Variants in MSN observed in about 807,000 individuals in gnomAD.
MSN encodes the protein moesin.
MSN carries 2 observed loss-of-function variants against 48.0 expected under a neutral mutation model. The observed-to-expected ratio is 0.04, with a 90% CI of 0.02 to 0.13. MSN has a LOEUF of 0.13. Among genes scored for constraint, MSN ranks in the 10% least tolerant of loss-of-function variants. MSN has a pLI of 1.00. For synonymous variants in MSN, 146 were observed against 166.9 expected, an observed-to-expected ratio of 0.87 and a Z score of 0.97; for missense variants, 267 against 470.1, an observed-to-expected ratio of 0.57 and a Z score of 3.99.
intron 1 of MSN, among the ~76,000 whole-genome samples, chrX:65,605,408 C>T (rs1458396858): frequency 2.7e-5 from 3 of 112,298 alleles, no homozygotes; most frequent in African/African-American, 9.7e-5. Context: ...ATTTACTTCC[C>T]ACCAATCCAG....
chrX:65,669,614 A>G lies in MSN; in HGVS notation c.12+1761A>G, dbSNP rs370625607. On this transcript the variant is annotated intron_variant, in intron 1 of 12. Transcript: ENST00000360270. Reference sequence around the variant, plus strand: ...GGCCTGGAGTAATGAGGGTACCTAAATACTGAAGGCATTTTTATGCAGATT... The same window carrying G: ...GGCCTGGAGTAATGAGGGTACCTAAGTACTGAAGGCATTTTTATGCAGATT... Among the ~76,000 whole-genome samples, 6 of 111,528 alleles carry G rather than the reference A, an allele frequency of 5.4e-5. No homozygotes were observed. The South Asian group carries it at 2.3e-3, about 42-fold the overall frequency.
At chrX:65,614,603 T>A (rs1273694843) in intron 1 of MSN, among the ~76,000 whole-genome samples, 2 of 109,247 alleles carry the variant, frequency 1.8e-5, no homozygotes, top group African/African-American at 6.6e-5. Context: ...GTAAGTTGTA[T>A]TCCTAGGTAT....
chrX:65,631,152 A>G (rs2070554140), intron 1 of MSN, among the ~76,000 whole-genome samples: 1 of 107,967 alleles, frequency 9.3e-6, no homozygotes, highest in African/African-American at 3.4e-5. Context: ...CTGGAATGCA[A>G]TGGCGCCATG....
chrX:65,602,121 G>A (rs1337462738), intron 1 of MSN, among the ~76,000 whole-genome samples: 2 of 112,415 alleles, frequency 1.8e-5, no homozygotes, highest in East Asian at 5.6e-4. Flanking sequence ...GATCTAATCA[G>A]TTACCAAATC....
chrX:65,718,695 A>G (rs1483869338), intron 2 of MSN, among the ~76,000 whole-genome samples: 2 of 109,587 alleles, frequency 1.8e-5, no homozygotes, highest in African/African-American at 6.7e-5. Flanking sequence ...GTGCACACCT[A>G]TAGTCCCAGC....
At chrX:65,649,459 C>T (rs1278911555) in intron 1 of MSN, among the ~76,000 whole-genome samples, 2 of 101,502 alleles carry the variant, frequency 2.0e-5, no homozygotes, top group Admixed American at 2.2e-4. Context: ...GCCTGTAGTC[C>T]CAGCTCCTTG....
upstream of MSN, among the ~76,000 whole-genome samples, chrX:65,663,748 G>A (rs2070842904): frequency 9.0e-6 from 1 of 111,124 alleles, no homozygotes. Flanking sequence ...AAAGAAAATG[G>A]TTGACTGGAT....
intron 1 of MSN, among the ~76,000 whole-genome samples, chrX:65,709,542 C>T (rs768419036): frequency 7.1e-5 from 8 of 112,068 alleles, no homozygotes; most frequent in South Asian, 3.7e-4. Flanking sequence ...TGATCCTCTA[C>T]GAGGGAGGAA....
chrX:65,730,542 G>A lies in MSN; in HGVS notation c.468-565G>A, dbSNP rs1021699301. On this transcript the variant is annotated intron_variant, in intron 4 of 12. Coordinates refer to ENST00000360270, the MANE Select transcript of MSN (RefSeq NM_002444.3). ...CTTGTACCCTGGGGACTCTACCTGA[G>A]TCATTGCCATGATATCTGAGATGGC... 2.7e-5 allele frequency among the ~76,000 whole-genome samples: 3 copies of A among 110,298 alleles called. No homozygotes were observed. In the Admixed American group the frequency reaches 2.9e-4, roughly 11 times the overall value.
chrX:65,596,350 G>A (rs2070186440), intron 1 of MSN, among the ~76,000 whole-genome samples: 1 of 111,048 alleles, frequency 9.0e-6, no homozygotes. Context: ...CTGGGGCATA[G>A]TGTGTACGTG....
At chrX:65,607,874 G>A (rs1429762609) in intron 1 of MSN, among the ~76,000 whole-genome samples, 1 of 111,866 alleles carries the variant, frequency 8.9e-6, no homozygotes, top group African/African-American at 3.3e-5. Flanking sequence ...TGTAATTGTT[G>A]CTACTCAGGA....
chrX:65,637,405 GAA>G (rs1206835966), intron 1 of MSN, among the ~76,000 whole-genome samples: 1 of 45,239 alleles, frequency 2.2e-5, no homozygotes, highest in African/African-American at 7.5e-5. Flanking sequence ...TCCATCTTAA[GAA>G]AAAAAAAAAA....
At chrX:65,709,293 G>T (rs774988373) in intron 1 of MSN, among the ~76,000 whole-genome samples, 1 of 112,350 alleles carries the variant, frequency 8.9e-6, no homozygotes, top group Non-Finnish European at 1.9e-5. Flanking sequence ...ACTCACATTT[G>T]CTTCTGAGTT....
chrX:65,690,694 A>G (rs1191595587), intron 1 of MSN, among the ~76,000 whole-genome samples: 1 of 111,536 alleles, frequency 9.0e-6, no homozygotes, highest in Non-Finnish European at 1.9e-5. Flanking sequence ...AGTGTCCAAG[A>G]CGTGTGTCTT....
At chrX:65,716,996 C>A (rs1221614957) in intron 2 of MSN, 95 bp downstream of exon 2, 2 of 788,496 alleles carry the variant, frequency 2.5e-6, no homozygotes, top group Non-Finnish European at 3.8e-6. Context: ...CAAAGAATCT[C>A]TCTTCCTGTT....
intron 1 of MSN, among the ~76,000 whole-genome samples, chrX:65,634,414 A>AACAT (rs2070582737): frequency 8.9e-6 from 1 of 111,948 alleles, no homozygotes; most frequent in African/African-American, 3.2e-5. Flanking sequence ...GGAGTTCGAG[A>AACAT]CCAGCCTGGC....
intron 1 of MSN, among the ~76,000 whole-genome samples, chrX:65,620,251 C>G (rs34549983): frequency 2.8e-4 from 31 of 112,639 alleles, no homozygotes; most frequent in Admixed American, 1.2e-3. Flanking sequence ...TGGAGCTTCC[C>G]GGCTGCTTTG....
At chrX:65,651,561 TTTATTATTATTATTA>T (rs35256397) in intron 1 of MSN, among the ~76,000 whole-genome samples, 101 of 94,501 alleles carry the variant, frequency 1.1e-3, no homozygotes, top group African/African-American at 1.7e-3. Flanking sequence ...AGAAGTAATA[TTTATTATTATTATTA>T]TTATTATTAT....
At chrX:65,715,639 G>A (rs1031616013) in intron 1 of MSN, among the ~76,000 whole-genome samples, 2 of 111,803 alleles carry the variant, frequency 1.8e-5, no homozygotes, top group African/African-American at 6.5e-5. Flanking sequence ...TGTTGTTGGT[G>A]TATACGAATG....
Sources: gnomAD v4.1 joint callset for allele counts (sites outside exome capture counted in the v4.1 genomes callset) on GRCh38, gnomAD v4.1.1 for gene constraint, MANE v1.5 for transcripts, NCBI Gene and HGNC (gene_info 2026-07-23, HGNC 2026-07-21) for gene names.